The following COL5A1 variants were observed in gnomAD, a reference collection of about 807,000 sequenced individuals.
The protein encoded by COL5A1 is collagen type V alpha 1 chain.
Under a neutral mutation model 263.7 loss-of-function variants are expected in COL5A1, and 16 were observed. The observed-to-expected ratio is 0.06, with a 90% CI of 0.04 to 0.09. The LOEUF is 0.09. COL5A1 is among the 10% of genes least tolerant of loss of function. COL5A1 has a pLI of 1.00. For synonymous variants in COL5A1, 1,012 were observed against 1,004.5 expected (o/e 1.01, Z -0.14); for missense variants, 2,036 against 2,540.5 (o/e 0.80, Z 4.27).
intron 1 of COL5A1, among the ~76,000 whole-genome samples, chr9:134,687,519 C>T (rs1181638430): frequency 1.3e-5 from 2 of 152,146 alleles, no homozygotes; most frequent in African/African-American, 4.8e-5. Flanking sequence ...TGGACTGACC[C>T]CATAGGTGAT....
chr9:134,714,911 T>C (rs1422998816), intron 4 of COL5A1, among the ~76,000 whole-genome samples: 2 of 151,188 alleles, frequency 1.3e-5, no homozygotes, highest in African/African-American at 2.4e-5. Flanking sequence ...GTGGAGGTGA[T>C]TGTGGTGGTG....
In COL5A1 at chr9:134,844,612, G is replaced by GA. The variant is rs1453911645; in HGVS notation, c.*2316dup. ...ATAATTGGACAAACGCTGGCAAAAA[G>GA]AAAAAAATGGTAAGCAAAAAACCCA... On this transcript the variant is annotated 3_prime_UTR_variant, in exon 66 of 66. Coordinates refer to ENST00000371817, the MANE Select transcript of COL5A1 (RefSeq NM_000093.5). 2.0e-5 allele frequency: 3 copies of GA among 151,832 alleles called. No homozygotes were observed. Among genetic ancestry groups the GA allele is most frequent in the Non-Finnish European group, 4.4e-5 (3 of 67,946 alleles). 9.4% of individuals were successfully genotyped at this position (151,832 alleles called of 1,614,324 possible).
In COL5A1 at chr9:134,780,095, C is replaced by T. The variant is rs746845504; in HGVS notation, c.2386-7C>T. On this transcript the variant is annotated splice_polypyrimidine_tract_variant and splice_region_variant and intron_variant, in intron 27 of 65. Coordinates refer to ENST00000371817, the MANE Select transcript of COL5A1 (RefSeq NM_000093.5). ...ATTCACTCCTTTTTCTTTTCCCACC[C>T]GCACAGGGGGCCGATGGCATCCGTG... 1.2e-4 allele frequency: 188 copies of T among 1,613,390 alleles called. No homozygotes were observed. The highest frequency in any genetic ancestry group is 1.1e-3 in the Admixed American group (65 of 60,010).
intron 4 of COL5A1, among the ~76,000 whole-genome samples, chr9:134,727,001 GTGGATGGA>G (rs573333833): frequency 1.3e-5 from 2 of 149,022 alleles, no homozygotes; most frequent in Admixed American, 1.3e-4. Flanking sequence ...GAACGAATGA[GTGGATGGA>G]TGGATGGATG....
In COL5A1 at chr9:134,784,993, A is replaced by G. The variant is rs749372099; in HGVS notation, c.2489A>G (p.Glu830Gly). 3.7e-6 allele frequency: 6 copies of G among 1,611,886 alleles called. No individual in the cohort carries two copies. The highest frequency in any genetic ancestry group is 5.1e-6 in the Non-Finnish European group (6 of 1,179,086). The change falls in exon 30 of 66, where the codon GAG becomes GGG. Residue 830 changes from glutamate to glycine, a missense_variant. By Grantham distance (98) the Glu-to-Gly change is moderately conservative. This residue lies in a region of COL5A1 where 1,078 missense variants were observed against 1,521.4 expected (regional missense o/e 0.71). Coordinates refer to ENST00000371817, the MANE Select transcript of COL5A1 (RefSeq NM_000093.5). ...CTCCTCTTTTCTGGCTTGCAGGGGG[A>G]GATCGGCCCACCCGGTCCCAGGGGA... The part of the protein sequence containing the change: ...GDMGIKGDRG[E>G]IGPPGPRGED...
chr9:134,767,221 C>A, intron 23 of COL5A1, 89 bp from the exon 24 acceptor site: 2 of 1,480,142 alleles, frequency 1.4e-6, no homozygotes, highest in Non-Finnish European at 1.9e-6. Flanking sequence ...ATGAGGGAGA[C>A]ATCAATGAGA....
rs752215738 is a variant in COL5A1, at chr9:134,842,042, G to A, written c.5371-115G>A. 117 of 1,218,880 alleles carry A rather than the reference G, an allele frequency of 9.6e-5. No individual in the cohort carries two copies. The highest frequency in any genetic ancestry group is 1.3e-4 in the Non-Finnish European group (105 of 835,036). 75.5% of individuals were successfully genotyped at this position (1,218,880 alleles called of 1,614,324 possible). On this transcript the variant is annotated intron_variant, in intron 65 of 65. Coordinates refer to ENST00000371817, the MANE Select transcript of COL5A1 (RefSeq NM_000093.5). The surrounding 1 kb of genome is among the most constrained non-coding windows in gnomAD (Gnocchi z 5.8). ...GCCCGGGCAAGCGCAGCCCTGGGTA[G>A]GAGACAGGACACCAGCCTGGGTTTT...
rs767602549 is a variant in COL5A1, at chr9:134,700,333, C to A, written c.491+211C>A. Among the ~76,000 whole-genome samples, 2 of 152,308 alleles carry A rather than the reference C, an allele frequency of 1.3e-5. No individual in the cohort carries two copies. Among genetic ancestry groups the A allele is most frequent in the East Asian group, 3.9e-4 (2 of 5,188 alleles). ...CATCCTCTGTGGCTCTGGGGAGTCA[C>A]TTCTCCTCCCTGGCCCTCCATTATC... On this transcript the variant is annotated intron_variant, in intron 3 of 65. Coordinates refer to ENST00000371817, the MANE Select transcript of COL5A1 (RefSeq NM_000093.5). This position sits in a 1 kb window ranked among gnomAD's most constrained non-coding sequence, Gnocchi z 4.0.
intron 6 of COL5A1, 103 bp from the exon 7 acceptor site, chr9:134,730,133 G>A (rs948029084): frequency 3.3e-5 from 50 of 1,538,096 alleles, no homozygotes; most frequent in East Asian, 4.5e-5. Context: ...GGCTCCAGGC[G>A]TTGCCACTGA....
chr9:134,708,876 C>T lies in COL5A1; in HGVS notation c.654+7543C>T, dbSNP rs1173471957. 1.8e-5 allele frequency: 8 copies of T among 456,614 alleles called. No individual in the cohort carries two copies. The East Asian group carries it at 3.5e-4, about 20-fold the overall frequency. 28.3% of individuals were successfully genotyped at this position (456,614 alleles called of 1,614,324 possible). On this transcript the variant is annotated intron_variant, in intron 4 of 65. Coordinates refer to ENST00000371817, the MANE Select transcript of COL5A1 (RefSeq NM_000093.5). ...CTGAAGCTTCCAGCGGGGGACTCTGCCTGCCGCTTCCAGCCCCGGGTGGCC... is the reference window on the plus strand; with the variant it reads ...CTGAAGCTTCCAGCGGGGGACTCTGTCTGCCGCTTCCAGCCCCGGGTGGCC...
chr9:134,731,976 C>T (rs898060166), intron 8 of COL5A1, 95 bp from the exon 9 acceptor site: 10 of 1,407,178 alleles, frequency 7.1e-6, no homozygotes, highest in Middle Eastern at 1.8e-4. Flanking sequence ...ATAGTGCCCT[C>T]GGCCTTGCGA....
intron 59 of COL5A1, among the ~76,000 whole-genome samples, chr9:134,822,756 C>T (rs1052065759): frequency 6.7e-6 from 1 of 149,400 alleles, no homozygotes; most frequent in African/African-American, 2.6e-5. Flanking sequence ...GGTTTCCTAG[C>T]CAGGGTGGGT....
chr9:134,834,878 C>T (rs1839790381), intron 64 of COL5A1, 93 bp from the exon 65 acceptor site: 1 of 909,404 alleles, frequency 1.1e-6, no homozygotes, highest in East Asian at 2.6e-5. Flanking sequence ...GAGAAGACCA[C>T]AGTGTGAGTG....
At chr9:134,748,064 T>C (rs949441879) in intron 11 of COL5A1, among the ~76,000 whole-genome samples, 1 of 149,070 alleles carries the variant, frequency 6.7e-6, no homozygotes, top group Non-Finnish European at 1.5e-5. Context: ...CATTCACACA[T>C]GCACACACCC....
At chr9:134,783,137 A>G (rs1439872216) in intron 29 of COL5A1, among the ~76,000 whole-genome samples, 1 of 152,210 alleles carries the variant, frequency 6.6e-6, no homozygotes, top group Non-Finnish European at 1.5e-5. Context: ...GCTGCTGCCC[A>G]GGCCACACGG....
intron 1 of COL5A1, among the ~76,000 whole-genome samples, chr9:134,673,997 CTT>C (rs1324736603): frequency 2.6e-5 from 4 of 152,070 alleles, no homozygotes; most frequent in African/African-American, 9.7e-5. Context: ...AGAAATACAA[CTT>C]AAAACCATAA....
intron 2 of COL5A1, among the ~76,000 whole-genome samples, chr9:134,699,708 G>A (rs1235106995): frequency 6.6e-6 from 1 of 152,200 alleles, no homozygotes; most frequent in Non-Finnish European, 1.5e-5. Context: ...AGTCTTGAAG[G>A]GGGCAGGTTT....
At chr9:134,836,488 G>A (rs1180627621) in intron 65 of COL5A1, among the ~76,000 whole-genome samples, 1 of 152,198 alleles carries the variant, frequency 6.6e-6, no homozygotes, top group Non-Finnish European at 1.5e-5. Context: ...CCATGGCACC[G>A]GCCCAGGCCA....
At chr9:134,734,616 T>C (rs982787938) in intron 9 of COL5A1, among the ~76,000 whole-genome samples, 8 of 152,208 alleles carry the variant, frequency 5.3e-5, no homozygotes, top group Non-Finnish European at 1.2e-4. Context: ...CCCAGGTCTT[T>C]CCCACTCAGT....
Sources: allele counts gnomAD v4.1 joint callset (sites outside exome capture counted in the v4.1 genomes callset), GRCh38; gene constraint gnomAD v4.1.1; regional missense constraint gnomAD v4.1.1; non-coding constraint Gnocchi (gnomAD v3.1); transcripts MANE v1.5; gene names NCBI Gene and HGNC (gene_info 2026-07-23, HGNC 2026-07-21).